Variants in SMG7 observed in about 807,000 individuals in gnomAD.
SMG7 encodes the protein SMG7 nonsense mediated mRNA decay factor, also known as nonsense-mediated mRNA decay factor SMG7.
A neutral mutation model predicts 148.2 loss-of-function variants in SMG7; 34 were observed. The observed-to-expected ratio is 0.23, with a 90% CI of 0.17 to 0.31. SMG7 has a LOEUF of 0.31. Ranked by LOEUF, SMG7 falls within the 10% of genes least tolerant of loss-of-function variation. The pLI, the probability that SMG7 is intolerant of heterozygous loss-of-function variation, is 1.00. For synonymous variants in SMG7, 492 were observed against 515.1 expected, an observed-to-expected ratio of 0.96 and a Z score of 0.61; for missense variants, 1,114 against 1,408.4, an observed-to-expected ratio of 0.79 and a Z score of 3.35.
chr1:183,545,957 CT>C lies in SMG7; in HGVS notation c.2371-3del, dbSNP rs577090591. On this transcript the variant is annotated splice_region_variant and splice_polypyrimidine_tract_variant and intron_variant, in intron 16 of 22. Transcript: ENST00000688051. ...ATCCTCACCTTTATGACAGGCGTCTCTTTTTTAGTATCAACAGGCAGATGCC... is the reference window on the plus strand; with the variant it reads ...ATCCTCACCTTTATGACAGGCGTCTCTTTTTAGTATCAACAGGCAGATGCC... The C allele has an allele frequency of 2.0e-5, 31 of 1,570,918 alleles. No individual in the cohort carries two copies. The East Asian group carries it at 6.7e-4, about 34-fold the overall frequency.
intron 1 of SMG7, among the ~76,000 whole-genome samples, chr1:183,510,244 C>G (rs1661830616): frequency 6.6e-6 from 1 of 152,030 alleles, no homozygotes; most frequent in Non-Finnish European, 1.5e-5. Flanking sequence ...ATAATTAACC[C>G]TAGCTTTCTC....
At chr1:183,544,874 T>C (rs1669630269) in intron 15 of SMG7, 56 bp from the exon 16 acceptor site, 1 of 1,562,698 alleles carries the variant, frequency 6.4e-7, no homozygotes, top group Non-Finnish European at 8.7e-7. Context: ...AAATGACTTT[T>C]TTTGCAATTT....
intron 2 of SMG7, among the ~76,000 whole-genome samples, chr1:183,515,233 A>G (rs933405289): frequency 2.6e-5 from 4 of 152,162 alleles, no homozygotes; most frequent in Non-Finnish European, 5.9e-5. Flanking sequence ...GTCTTTGTTT[A>G]CATTAAATGA....
At chr1:183,510,467 T>A (rs1661875884) in intron 1 of SMG7, among the ~76,000 whole-genome samples, 1 of 152,118 alleles carries the variant, frequency 6.6e-6, no homozygotes, top group Non-Finnish European at 1.5e-5. Flanking sequence ...GCTATATGGA[T>A]AATGGAATTT....
In SMG7 at chr1:183,533,275, A is replaced by G. The variant is rs556294864; in HGVS notation, c.955A>G (p.Thr319Ala). Residue 319 changes from threonine to alanine, a missense_variant, in exon 9 of 23, where the codon ACT (threonine) becomes GCT (alanine). By Grantham distance (58) the Thr-to-Ala change is moderately conservative. Around this residue, in one of 4 missense-constraint regions of SMG7, gnomAD observed 102 missense variants for 147.2 expected, o/e 0.69. Coordinates refer to ENST00000688051, the MANE Select transcript of SMG7 (RefSeq NM_001375584.1). ...RDFSNETEQHTYSQDEQLCWT... is the reference protein window; with the variant it reads ...RDFSNETEQHAYSQDEQLCWT... The stretch of plus-strand genomic sequence containing the variant: ...CTTTAGCAATGAAACCGAGCAGCAC[A>G]CTTATAGCCAAGATGAGCAGCTATG... The G allele has an allele frequency of 4.3e-6, 7 of 1,613,986 alleles. No homozygotes were observed. In the Admixed American group the frequency reaches 5.0e-5, roughly 12 times the overall value.
At chr1:183,540,960 A>T (rs765240273) in intron 12 of SMG7, 24 bp from the exon 13 acceptor site, 1 of 1,608,912 alleles carries the variant, frequency 6.2e-7, no homozygotes, top group Non-Finnish European at 8.5e-7. Flanking sequence ...TAATATTCTC[A>T]TAACTTGCTT....
chr1:183,508,093 A>C, intron 1 of SMG7: 1 of 893,458 alleles, frequency 1.1e-6, no homozygotes. Context: ...AAAACATTTT[A>C]AAGTTCTTGC....
In SMG7 at chr1:183,544,434, A is replaced by G. The variant is rs1342500826; in HGVS notation, c.1924A>G (p.Ser642Gly). 1.2e-6 allele frequency: 2 copies of G among 1,614,020 alleles called. No individual in the cohort carries two copies. The highest frequency in any genetic ancestry group is 1.3e-5 in the African/African-American group (1 of 75,040). ...TGTAACTCAAACCCCAACTCAAGCA[A>G]GTAACTCCCAGTTCATCCCCATTCA... ...TPVTQTPTQASNSQFIPIHHP... is the reference protein window; with the variant it reads ...TPVTQTPTQAGNSQFIPIHHP... The change falls in exon 15 of 23, where the codon AGT (serine) becomes GGT (glycine). Residue 642 changes from serine (S) to glycine (G), a missense_variant. By Grantham distance (56) the Ser-to-Gly change is moderately conservative. This residue lies in a region of SMG7 where 788 missense variants were observed against 894.5 expected (regional missense o/e 0.88). Coordinates refer to ENST00000688051, the MANE Select transcript of SMG7 (RefSeq NM_001375584.1).
chr1:183,485,727 G>C (rs1204528653), intron 1 of SMG7, among the ~76,000 whole-genome samples: 1 of 152,172 alleles, frequency 6.6e-6, no homozygotes, highest in Non-Finnish European at 1.5e-5. Flanking sequence ...CACTGACTTG[G>C]TTATTACATA....
At chr1:183,518,000 T>G (rs1416508290) in intron 4 of SMG7, among the ~76,000 whole-genome samples, 180 bp downstream of exon 4, 2 of 152,074 alleles carry the variant, frequency 1.3e-5, no homozygotes, top group Non-Finnish European at 2.9e-5. Flanking sequence ...CAGGCTGGAG[T>G]GTAGTGGTGC....
Position 183,552,658 on chromosome 1 carries a change from A to G in SMG7, c.*727A>G, listed in dbSNP as rs950015248. 74 of 1,118,878 alleles carry G rather than the reference A, an allele frequency of 6.6e-5. No homozygotes were observed. Among genetic ancestry groups the G allele is most frequent in the Admixed American group, 9.1e-5 (2 of 21,878 alleles). The allele number at this position is 1,118,878 out of a possible 1,614,324, so 69.3% of individuals were successfully genotyped here. On this transcript the variant is annotated 3_prime_UTR_variant, in exon 23 of 23. Transcript: ENST00000688051. ...TCACTCTGTAGGTGCTCGAGCCCCAATCGAGGATACAGTGTGGGTGGTGGT... is the reference window on the plus strand; with the variant it reads ...TCACTCTGTAGGTGCTCGAGCCCCAGTCGAGGATACAGTGTGGGTGGTGGT...
At chr1:183,490,922 A>G (rs572923421) in intron 1 of SMG7, among the ~76,000 whole-genome samples, 18 of 152,244 alleles carry the variant, frequency 1.2e-4, no homozygotes, top group African/African-American at 4.1e-4. Flanking sequence ...AGTAGCTGGG[A>G]TTACAGGCAT....
chr1:183,526,803 C>T (rs1330037699), intron 5 of SMG7, 36 bp downstream of exon 5: 3 of 1,552,948 alleles, frequency 1.9e-6, no homozygotes, highest in Admixed American at 1.9e-5. Flanking sequence ...ATAATATGTT[C>T]CTCCTTTTCT....
intron 1 of SMG7, chr1:183,508,195 T>TTTCTTC (rs916255583): frequency 1.1e-6 from 1 of 890,390 alleles, no homozygotes; most frequent in Non-Finnish European, 1.3e-6. Flanking sequence ...ATAGTATTTT[T>TTTCTTC]TTCTTCTTCT....
intron 1 of SMG7, among the ~76,000 whole-genome samples, chr1:183,486,894 G>A (rs532941899): frequency 1.3e-5 from 2 of 152,280 alleles, no homozygotes; most frequent in African/African-American, 4.8e-5. Flanking sequence ...GTAGAGATGG[G>A]TCTCTCCAGG....
At chr1:183,481,803 G>A (rs1654189075) in intron 1 of SMG7, among the ~76,000 whole-genome samples, 1 of 151,618 alleles carries the variant, frequency 6.6e-6, no homozygotes, top group Non-Finnish European at 1.5e-5. Context: ...TTCTGGAGTT[G>A]AACACCAGAG....
intron 6 of SMG7, among the ~76,000 whole-genome samples, chr1:183,528,382 A>G (rs148131954): frequency 3.2e-4 from 48 of 152,238 alleles, no homozygotes; most frequent in African/African-American, 1.2e-3. Flanking sequence ...AAAACAATCT[A>G]TTACCTAAAA....
intron 1 of SMG7, among the ~76,000 whole-genome samples, chr1:183,492,161 G>C (rs1046233073): frequency 6.6e-6 from 1 of 152,210 alleles, no homozygotes; most frequent in Non-Finnish European, 1.5e-5. Flanking sequence ...TCTAGAAATA[G>C]ATTAAGTCTG....
intron 6 of SMG7, among the ~76,000 whole-genome samples, chr1:183,528,425 A>G (rs1666285532): frequency 6.6e-6 from 1 of 152,208 alleles, no homozygotes; most frequent in Non-Finnish European, 1.5e-5. Context: ...ACTAGGCATT[A>G]GCAGTAGTTC....
Sources: allele counts gnomAD v4.1 joint callset (sites outside exome capture counted in the v4.1 genomes callset), GRCh38; gene constraint gnomAD v4.1.1; regional missense constraint gnomAD v4.1.1; transcripts MANE v1.5; gene names NCBI Gene and HGNC (gene_info 2026-07-23, HGNC 2026-07-21).